ARSB: variants seen among roughly 807,000 people sequenced by gnomAD.
ARSB encodes the protein N-acetylgalactosamine-4-sulfatase.
In ARSB, 41 loss-of-function variants were observed where a neutral mutation model predicts 50.9. The observed-to-expected ratio is 0.81, with a 90% CI of 0.63 to 1.04. ARSB has a LOEUF of 1.04. Ranked by LOEUF, ARSB falls within the 50% of genes least tolerant of loss-of-function variation. The probability of loss-of-function intolerance (pLI) is 0.00; values close to 1 mark genes in which losing one functional copy is unlikely to be tolerated. For missense variants in ARSB, 672 were observed against 693.3 expected, an observed-to-expected ratio of 0.97 and a Z score of 0.35; for synonymous variants, 269 against 284.8, an observed-to-expected ratio of 0.94 and a Z score of 0.56.
chr5:78,842,162 T>G (rs1329903413), intron 5 of ARSB, among the ~76,000 whole-genome samples: 1 of 151,974 alleles, frequency 6.6e-6, no homozygotes, highest in African/African-American at 2.4e-5. Flanking sequence ...TTAATTTCAG[T>G]GCAGACAAGG....
intron 4 of ARSB, among the ~76,000 whole-genome samples, chr5:78,900,051 A>C (rs1264476670): frequency 6.6e-6 from 1 of 152,042 alleles, no homozygotes; most frequent in East Asian, 1.9e-4. Context: ...GGCTCTAGTA[A>C]ACGGTTGCAG....
chr5:78,922,090 G>A (rs1749840418), intron 4 of ARSB, among the ~76,000 whole-genome samples: 1 of 152,018 alleles, frequency 6.6e-6, no homozygotes, highest in Non-Finnish European at 1.5e-5. Context: ...TCACCACCAT[G>A]GGCTCAAGTG....
At chr5:78,953,341 C>G (rs2112477262) in intron 4 of ARSB, among the ~76,000 whole-genome samples, 1 of 152,360 alleles carries the variant, frequency 6.6e-6, no homozygotes, top group South Asian at 2.1e-4. Context: ...CAGGCTCTGC[C>G]TGGCTGCATG....
intron 4 of ARSB, among the ~76,000 whole-genome samples, chr5:78,934,593 C>G (rs1176240625): frequency 6.6e-6 from 1 of 151,996 alleles, no homozygotes; most frequent in Non-Finnish European, 1.5e-5. Context: ...AGTTTGAGAC[C>G]AGCCTGGCCA....
At chr5:78,828,866 G>C (rs1315901341) in intron 6 of ARSB, among the ~76,000 whole-genome samples, 1 of 152,168 alleles carries the variant, frequency 6.6e-6, no homozygotes, top group Non-Finnish European at 1.5e-5. Flanking sequence ...CAAATAGGGA[G>C]GTGATTCTAG....
intron 5 of ARSB, among the ~76,000 whole-genome samples, chr5:78,848,032 T>G (rs989370642): frequency 6.6e-6 from 1 of 151,380 alleles, no homozygotes; most frequent in African/African-American, 2.4e-5. Flanking sequence ...TTTTGTATTA[T>G]TTTTTAGCGT....
intron 2 of ARSB, among the ~76,000 whole-genome samples, chr5:78,967,830 G>A (rs1025397998): frequency 6.6e-6 from 1 of 151,980 alleles, no homozygotes; most frequent in Admixed American, 6.6e-5. Context: ...TGTTCAATAT[G>A]TGTTCCTTTT....
chr5:78,853,686 C>T (rs1263652339), intron 5 of ARSB, among the ~76,000 whole-genome samples: 4 of 152,242 alleles, frequency 2.6e-5, no homozygotes, highest in African/African-American at 4.8e-5. Flanking sequence ...GGCAGGCAGG[C>T]CTCCTTGAGC....
chr5:78,932,250 G>T (rs547954198), intron 4 of ARSB, among the ~76,000 whole-genome samples: 122 of 152,302 alleles, frequency 8.0e-4, no homozygotes, highest in African/African-American at 2.8e-3. Flanking sequence ...GTCAGATACC[G>T]CTTTACCTCC....
intron 6 of ARSB, among the ~76,000 whole-genome samples, chr5:78,821,534 T>C (rs963321383): frequency 1.3e-5 from 2 of 152,186 alleles, no homozygotes; most frequent in Non-Finnish European, 2.9e-5. Flanking sequence ...ATTGAAGATA[T>C]GGAGAAAGCA....
At chr5:78,896,893 T>A (rs181704888) in intron 4 of ARSB, among the ~76,000 whole-genome samples, 32 of 152,182 alleles carry the variant, frequency 2.1e-4, no homozygotes, top group Admixed American at 1.9e-3. Flanking sequence ...TAACTCTCAG[T>A]GTAATACAGA....
At chr5:78,947,492 A>G (rs2112459770) in intron 4 of ARSB, among the ~76,000 whole-genome samples, 1 of 152,362 alleles carries the variant, frequency 6.6e-6, no homozygotes, top group East Asian at 1.9e-4. Context: ...GACATTTCTT[A>G]AAAGAAGACA....
At chr5:78,872,806 A>T (rs1561474933) in intron 5 of ARSB, among the ~76,000 whole-genome samples, 4 of 125,438 alleles carry the variant, frequency 3.2e-5, no homozygotes, top group Non-Finnish European at 6.6e-5. Context: ...CCTAAAACTT[A>T]AAGTATAATT....
intron 5 of ARSB, among the ~76,000 whole-genome samples, chr5:78,844,997 A>G (rs1745381245): frequency 6.6e-6 from 1 of 152,066 alleles, no homozygotes; most frequent in South Asian, 2.1e-4. Context: ...ATTTAATTGT[A>G]CTTTTATATC....
In ARSB at chr5:78,924,224, C is replaced by A. The variant is rs78981822; in HGVS notation, c.898+31071G>T. Among the ~76,000 whole-genome samples the A allele has an allele frequency of 3.8e-3, 578 of 152,272 alleles. 3 individuals are homozygous for A. Among genetic ancestry groups the A allele is most frequent in the African/African-American group, 0.013 (557 of 41,550 alleles). ...TGTGAATTCTCTCATTTAATCCTCA[C>A]AATAGTCCGCTGAGCAAGCTTTATC... On this transcript the variant is annotated intron_variant, in intron 4 of 7. Transcript: ENST00000264914.
At chr5:78,925,648 C>T (rs1168098959) in intron 4 of ARSB, among the ~76,000 whole-genome samples, 1 of 152,148 alleles carries the variant, frequency 6.6e-6, no homozygotes, top group Non-Finnish European at 1.5e-5. Flanking sequence ...CTTTTCAGAA[C>T]AGTATGTTCT....
intron 4 of ARSB, among the ~76,000 whole-genome samples, chr5:78,894,544 A>G (rs949710126): frequency 6.6e-6 from 1 of 152,140 alleles, no homozygotes; most frequent in Non-Finnish European, 1.5e-5. Flanking sequence ...GATCTCACTG[A>G]TGTTTGGGTG....
At chr5:78,868,215 G>A (rs955096361) in intron 5 of ARSB, among the ~76,000 whole-genome samples, 1 of 139,544 alleles carries the variant, frequency 7.2e-6, no homozygotes, top group Non-Finnish European at 1.5e-5. Flanking sequence ...TGCGGAGAAT[G>A]GAACCAAGTT....
chr5:78,854,523 T>A (rs1356361416), intron 5 of ARSB, among the ~76,000 whole-genome samples: 1 of 152,250 alleles, frequency 6.6e-6, no homozygotes, highest in East Asian at 1.9e-4. Context: ...TCCATTTCCA[T>A]GTGTTTGTAA....
Sources: allele counts gnomAD v4.1 joint callset (sites outside exome capture counted in the v4.1 genomes callset), GRCh38; gene constraint gnomAD v4.1.1; transcripts MANE v1.5; gene names NCBI Gene and HGNC (gene_info 2026-07-23, HGNC 2026-07-21).